VAT1L: variants seen among roughly 807,000 people sequenced by gnomAD.
The protein encoded by VAT1L is putative NADPH-dependent quinone oxidoreductase VAT1L.
Under a neutral mutation model 44.1 loss-of-function variants are expected in VAT1L, and 34 were observed. The observed-to-expected ratio is 0.77, with a 90% CI of 0.59 to 1.03. VAT1L has a LOEUF of 1.03. Among genes scored for constraint, VAT1L ranks in the 50% least tolerant of loss-of-function variants. VAT1L has a pLI of 0.00. For missense variants in VAT1L, 615 were observed against 538.8 expected, an observed-to-expected ratio of 1.14 and a Z score of -1.40; for synonymous variants, 253 against 202.2, an observed-to-expected ratio of 1.25 and a Z score of -2.13.
intron 7 of VAT1L, among the ~76,000 whole-genome samples, chr16:77,923,288 A>C (rs1442579050): frequency 1.3e-5 from 2 of 152,200 alleles, no homozygotes; most frequent in Non-Finnish European, 2.9e-5. Context: ...GTATCTACCA[A>C]AAATACAAAA....
intron 3 of VAT1L, among the ~76,000 whole-genome samples, chr16:77,850,656 TG>T (rs1370588299): frequency 6.6e-6 from 1 of 152,226 alleles, no homozygotes; most frequent in East Asian, 1.9e-4. Context: ...TTTTTGTTTT[TG>T]TTTTCTTTTG....
At chr16:77,933,669 C>T (rs1297503792) in intron 7 of VAT1L, among the ~76,000 whole-genome samples, 1 of 152,040 alleles carries the variant, frequency 6.6e-6, no homozygotes, top group Non-Finnish European at 1.5e-5. Context: ...GAGGCTGAAG[C>T]AAAGGAGGAG....
intron 7 of VAT1L, among the ~76,000 whole-genome samples, chr16:77,966,901 G>A (rs591415): frequency 0.24 from 33,735 of 140,116 alleles, 4,406 homozygotes; most frequent in South Asian, 0.34. Flanking sequence ...CTTGAATACA[G>A]TGGGGAAGGG....
chr16:77,899,603 T>A (rs948324569), intron 7 of VAT1L, among the ~76,000 whole-genome samples: 6 of 152,206 alleles, frequency 3.9e-5, no homozygotes, highest in African/African-American at 1.2e-4. Context: ...CCAAAATGTG[T>A]GTCATTTTCA....
chr16:77,799,987 A>G (rs1240420292), intron 1 of VAT1L: 1 of 152,150 alleles, frequency 6.6e-6, no homozygotes, highest in Non-Finnish European at 1.5e-5. Context: ...TTCCTAATAC[A>G]AACAGTGGCC....
At chr16:77,919,650 G>A (rs2017590101) in intron 7 of VAT1L, among the ~76,000 whole-genome samples, 1 of 152,174 alleles carries the variant, frequency 6.6e-6, no homozygotes, top group Non-Finnish European at 1.5e-5. Flanking sequence ...GATAGAGAAG[G>A]ACAAAGAAAT....
In VAT1L at chr16:77,825,324, A is replaced by C. The variant is rs760616954; in HGVS notation, c.442A>C (p.Lys148Gln). The change falls in exon 3 of 9, where the codon AAG becomes CAG. Residue 148 changes from lysine to glutamine, a missense_variant. Coordinates refer to ENST00000302536, the MANE Select transcript of VAT1L (RefSeq NM_020927.3). ...VVCTPVEFVY[K>Q]IPDDMSFSEA... Reference sequence around the variant, plus strand: ...CTGCACACCAGTGGAGTTTGTCTACAAGATCCCGGATGACATGAGCTTCTC... The same window carrying C: ...CTGCACACCAGTGGAGTTTGTCTACCAGATCCCGGATGACATGAGCTTCTC... The C allele has an allele frequency of 6.2e-7, 1 of 1,614,166 alleles. No homozygotes were observed. Among genetic ancestry groups the C allele is most frequent in the South Asian group, 1.1e-5 (1 of 91,078 alleles).
intron 7 of VAT1L, among the ~76,000 whole-genome samples, chr16:77,953,316 C>G (rs1380207761): frequency 2.6e-5 from 4 of 152,102 alleles, no homozygotes; most frequent in African/African-American, 9.7e-5. Flanking sequence ...AGACAGCAAC[C>G]CTAGGAAACT....
In VAT1L at chr16:77,850,435, G is replaced by A. The variant is rs368805780; in HGVS notation, c.580-12313G>A. Among the ~76,000 whole-genome samples the A allele has an allele frequency of 1.4e-3, 209 of 152,188 alleles. 1 individual carries two copies. Among genetic ancestry groups the A allele is most frequent in the South Asian group, 7.9e-3 (38 of 4,810 alleles). On this transcript the variant is annotated intron_variant, in intron 3 of 8. Coordinates refer to ENST00000302536, the MANE Select transcript of VAT1L (RefSeq NM_020927.3). ...CAAGTCCCACTGATGCTGCCCCTCT[G>A]CCCTTCTCTCCTGGCCACCCTATTA...
At chr16:77,807,820 G>A (rs372706134) in intron 1 of VAT1L, among the ~76,000 whole-genome samples, 2 of 152,056 alleles carry the variant, frequency 1.3e-5, no homozygotes, top group African/African-American at 4.8e-5. Flanking sequence ...GAAAAACTAA[G>A]GCCCAAGGTC....
At chr16:77,847,041 A>T (rs974481242) in intron 3 of VAT1L, among the ~76,000 whole-genome samples, 1 of 152,206 alleles carries the variant, frequency 6.6e-6, no homozygotes, top group Non-Finnish European at 1.5e-5. Flanking sequence ...TTTCATAATA[A>T]TACTTTTTAT....
At chr16:77,889,541 G>A (rs1429411897) in intron 7 of VAT1L, among the ~76,000 whole-genome samples, 4 of 152,142 alleles carry the variant, frequency 2.6e-5, no homozygotes, top group East Asian at 1.9e-4. Flanking sequence ...TAGACAACAT[G>A]TTAATACTTG....
chr16:77,882,592 T>C (rs545877000), intron 6 of VAT1L, among the ~76,000 whole-genome samples: 1 of 152,240 alleles, frequency 6.6e-6, no homozygotes, highest in Non-Finnish European at 1.5e-5. Flanking sequence ...TTAAGAGATT[T>C]GCCTAAAGTC....
At position 77,977,798 on chromosome 16, in the gene VAT1L, G is replaced by T; in HGVS notation, c.*103G>T. ...GTGAACAAATGCTGTAGTCCAGTGC[G>T]TGTCGTGTTTGTCTGCAGTCAGCTG... On this transcript the variant is annotated 3_prime_UTR_variant, in exon 9 of 9. Transcript: ENST00000302536. The T allele has an allele frequency of 1.7e-6, 2 of 1,153,774 alleles. No homozygotes were observed. The highest frequency in any genetic ancestry group is 2.6e-5 in the East Asian group (1 of 38,902). The allele number at this position is 1,153,774 out of a possible 1,614,324, so 71.5% of individuals were successfully genotyped here. A position where few individuals can be genotyped will look rare whatever the true frequency, so the allele number is the denominator to read the frequency against.
chr16:77,971,956 T>C (rs2018282949), intron 8 of VAT1L, 23 bp downstream of exon 8: 1 of 1,606,616 alleles, frequency 6.2e-7, no homozygotes, highest in East Asian at 2.2e-5. Flanking sequence ...CAGAGGAGTC[T>C]GTTCAGTTCC....
intron 2 of VAT1L, among the ~76,000 whole-genome samples, chr16:77,818,407 T>G (rs1025330433): frequency 6.7e-6 from 1 of 150,282 alleles, no homozygotes; most frequent in Non-Finnish European, 1.5e-5. Flanking sequence ...TTCTTTTCTT[T>G]TATACGAATT....
intron 2 of VAT1L, among the ~76,000 whole-genome samples, chr16:77,819,438 A>G (rs1470554624): frequency 1.3e-5 from 2 of 151,766 alleles, no homozygotes; most frequent in East Asian, 1.9e-4. Context: ...CTAGAGTGCA[A>G]TGCCACAGTC....
chr16:77,971,162 G>A (rs74707224), intron 7 of VAT1L, among the ~76,000 whole-genome samples: 3,657 of 152,130 alleles, frequency 0.024, 167 homozygotes, highest in African/African-American at 0.084. Flanking sequence ...CACCTCAACA[G>A]TTGGAATTCC....
chr16:77,942,434 G>A (rs190680562), intron 7 of VAT1L, among the ~76,000 whole-genome samples: 1 of 146,610 alleles, frequency 6.8e-6, no homozygotes, highest in Non-Finnish European at 1.5e-5. Flanking sequence ...AATCAGTGAT[G>A]TTGAGCTTTT....
Sources: allele counts gnomAD v4.1 joint callset (sites outside exome capture counted in the v4.1 genomes callset), GRCh38; gene constraint gnomAD v4.1.1; transcripts MANE v1.5; gene names NCBI Gene and HGNC (gene_info 2026-07-23, HGNC 2026-07-21).